The following AGAP1 variants were observed in gnomAD, a reference collection of about 807,000 sequenced individuals.
AGAP1 encodes arf-GAP with GTPase, ANK repeat and PH domain-containing protein 1.
AGAP1 carries 29 observed loss-of-function variants against 105.3 expected under a neutral mutation model. The ratio of observed to expected loss-of-function variants is 0.28; its 90% CI spans 0.21 to 0.38. The LOEUF is 0.38. Ranked by LOEUF, AGAP1 falls within the 10% of genes least tolerant of loss-of-function variation. The pLI is 1.00. For missense variants in AGAP1, 998 were observed against 1,165.1 expected (o/e 0.86, Z 2.09); for synonymous variants, 509 against 485.9 (o/e 1.05, Z -0.63).
chr2:235,806,880 G>C (rs1395079516), intron 8 of AGAP1, among the ~76,000 whole-genome samples: 1 of 152,190 alleles, frequency 6.6e-6, no homozygotes, highest in Non-Finnish European at 1.5e-5. Flanking sequence ...TAAACATTGA[G>C]CAGCCCCTTT....
chr2:236,019,878 C>G (rs2056832545), intron 13 of AGAP1, among the ~76,000 whole-genome samples: 1 of 152,246 alleles, frequency 6.6e-6, no homozygotes, highest in Admixed American at 6.5e-5. Flanking sequence ...CGCCAAATGC[C>G]CCGGCAGTCT....
intron 1 of AGAP1, among the ~76,000 whole-genome samples, chr2:235,588,801 T>C (rs1945219921): frequency 6.6e-6 from 1 of 152,194 alleles, no homozygotes. Context: ...GTCAGCTCTG[T>C]AGACACCATT....
intron 1 of AGAP1, among the ~76,000 whole-genome samples, chr2:235,506,604 A>G (rs1941823944): frequency 6.6e-6 from 1 of 152,142 alleles, no homozygotes; most frequent in African/African-American, 2.4e-5. Context: ...TTTACATAGA[A>G]ACTTGAATTT....
At position 235,970,587 on chromosome 2, in the gene AGAP1, G is replaced by A. The variant is rs951166599; in HGVS notation, c.1645+1964G>A. On this transcript the variant is annotated intron_variant, in intron 13 of 17. Coordinates refer to ENST00000304032, the MANE Select transcript of AGAP1 (RefSeq NM_001037131.3). This position sits in a 1 kb window ranked among gnomAD's most constrained non-coding sequence, Gnocchi z 5.4. ...GCACGCGTCTTCTTGCATTTGTTGT[G>A]TGTTTCCAACCGAGGTCTGTGGTTT... Among the ~76,000 whole-genome samples, 2 of 152,202 alleles carry A rather than the reference G, an allele frequency of 1.3e-5. No homozygotes were observed. Among genetic ancestry groups the A allele is most frequent in the Non-Finnish European group, 2.9e-5 (2 of 68,040 alleles).
intron 9 of AGAP1, among the ~76,000 whole-genome samples, chr2:235,839,552 C>G (rs1482125494): frequency 1.3e-5 from 2 of 152,206 alleles, no homozygotes; most frequent in Non-Finnish European, 2.9e-5. Flanking sequence ...CGCACTGCTG[C>G]ACTCCAGCCT....
chr2:235,830,993 T>A lies in AGAP1; in HGVS notation c.1050+23662T>A, dbSNP rs907313243. Among the ~76,000 whole-genome samples the A allele has an allele frequency of 2.6e-5, 4 of 152,012 alleles. No homozygotes were observed. The highest frequency in any genetic ancestry group is 9.7e-5 in the African/African-American group (4 of 41,390). On this transcript the variant is annotated intron_variant, in intron 9 of 17. Transcript: ENST00000304032. The surrounding 1 kb of genome is among the most constrained non-coding windows in gnomAD (Gnocchi z 5.5). ...GTGTGTCGCAGGTGTAGGCGATACC[T>A]GGGAAGCCGTTGTACGGGGCTGGCA...
chr2:235,521,609 A>G (rs942237524), intron 1 of AGAP1, among the ~76,000 whole-genome samples: 9 of 152,104 alleles, frequency 5.9e-5, no homozygotes, highest in African/African-American at 1.7e-4. Flanking sequence ...ACTTAGGAAC[A>G]TGTTCTGGAA....
intron 12 of AGAP1, among the ~76,000 whole-genome samples, chr2:235,966,663 C>T (rs1170374615): frequency 6.6e-6 from 1 of 152,156 alleles, no homozygotes; most frequent in Non-Finnish European, 1.5e-5. Context: ...ATGGTTGACA[C>T]AGTCTCAGGT....
chr2:235,568,445 A>G (rs1944416907), intron 1 of AGAP1, among the ~76,000 whole-genome samples: 1 of 152,172 alleles, frequency 6.6e-6, no homozygotes, highest in African/African-American at 2.4e-5. Flanking sequence ...TCCTTGATGA[A>G]GTGAAGCCAT....
rs949230311 is a variant in AGAP1, at chr2:236,015,583, A to G, written c.1646-20978A>G. 2.6e-5 allele frequency among the ~76,000 whole-genome samples: 4 copies of G among 152,100 alleles called. No homozygotes were observed. In the East Asian group the frequency reaches 7.7e-4, roughly 29 times the overall value. The stretch of plus-strand genomic sequence containing the variant: ...TTTTTTTTTATGATTACAAATGTCA[A>G]GGGTCGGAATTACTTTGATGCCAGG... On this transcript the variant is annotated intron_variant, in intron 13 of 17. Transcript: ENST00000304032.
At position 235,962,090 on chromosome 2, in the gene AGAP1, G is replaced by GTTT. The variant is rs1559699317; in HGVS notation, c.1484-6372_1484-6371insTTT. Among the ~76,000 whole-genome samples the GTTT allele has an allele frequency of 6.7e-6, 1 of 150,202 alleles. No individual in the cohort carries two copies. Among genetic ancestry groups the GTTT allele is most frequent in the Non-Finnish European group, 1.5e-5 (1 of 67,250 alleles). ...TTGTTTTGTTTTGTTTTGTTTCAGT[G>GTTT]AAGTGAAAAGTGAGGTCATCGTGAG... is the stretch of plus-strand genomic sequence containing the variant. On this transcript the variant is annotated intron_variant, in intron 12 of 17. Coordinates refer to ENST00000304032, the MANE Select transcript of AGAP1 (RefSeq NM_001037131.3). This position sits in a 1 kb window ranked among gnomAD's most constrained non-coding sequence, Gnocchi z 5.3.
intron 1 of AGAP1, among the ~76,000 whole-genome samples, chr2:235,685,543 A>G (rs1949333333): frequency 6.6e-6 from 1 of 151,714 alleles, no homozygotes; most frequent in Non-Finnish European, 1.5e-5. Context: ...AACAAATGCT[A>G]TGAAGACCAG....
chr2:235,986,717 C>A (rs994010493), intron 13 of AGAP1, among the ~76,000 whole-genome samples: 1 of 152,138 alleles, frequency 6.6e-6, no homozygotes, highest in African/African-American at 2.4e-5. Flanking sequence ...TTTTCTGCAT[C>A]TATTGATATA....
chr2:235,941,174 C>G (rs1252663785), intron 12 of AGAP1, among the ~76,000 whole-genome samples: 1 of 152,180 alleles, frequency 6.6e-6, no homozygotes, highest in African/African-American at 2.4e-5. Flanking sequence ...ACACTGGCAG[C>G]AGTCTCAGCA....
intron 1 of AGAP1, among the ~76,000 whole-genome samples, chr2:235,605,945 G>A (rs1176303856): frequency 6.6e-6 from 1 of 152,222 alleles, no homozygotes; most frequent in Non-Finnish European, 1.5e-5. Flanking sequence ...ACACAAAGAT[G>A]TGTTTGCCTG....
rs908286937 is a variant in AGAP1, at chr2:235,566,784, G to T, written c.163+71935G>T. Among the ~76,000 whole-genome samples, 3 of 152,222 alleles carry T rather than the reference G, an allele frequency of 2.0e-5. No homozygotes were observed. The highest frequency in any genetic ancestry group is 4.4e-5 in the Non-Finnish European group (3 of 68,040). On this transcript the variant is annotated intron_variant, in intron 1 of 17. Transcript: ENST00000304032. This position sits in a 1 kb window ranked among gnomAD's most constrained non-coding sequence, Gnocchi z 5.2. ...GAAGGGGGCCCCGTGTTAGTTTCCT[G>T]TGGCTGCCGTAACAGCCACAAACTA...
rs1411019322 is a variant in AGAP1, at chr2:235,763,073, C to CTGTGT, written c.673+12585_673+12586insTGTGT. On this transcript the variant is annotated intron_variant, in intron 6 of 17. Coordinates refer to ENST00000304032, the MANE Select transcript of AGAP1 (RefSeq NM_001037131.3). ...GTGTATGTGTGCGCGCGCGCGCACA[C>CTGTGT]GTGCACCTGCCGTGTTTGAAAAAAA... 9.3e-4 allele frequency among the ~76,000 whole-genome samples: 139 copies of CTGTGT among 148,862 alleles called. 1 individual carries two copies. The highest frequency in any genetic ancestry group is 3.2e-3 in the African/African-American group (124 of 39,126).
intron 1 of AGAP1, among the ~76,000 whole-genome samples, chr2:235,516,591 G>A (rs911654483): frequency 3.9e-5 from 6 of 152,224 alleles, no homozygotes; most frequent in Middle Eastern, 6.8e-3. Flanking sequence ...AGTTCATGCC[G>A]CCCGTATTCC....
At chr2:235,619,535 A>T (rs1412673755) in intron 1 of AGAP1, among the ~76,000 whole-genome samples, 7 of 127,394 alleles carry the variant, frequency 5.5e-5, no homozygotes, top group South Asian at 2.6e-4. Context: ...TGGGATTCAA[A>T]CCTGGGGCTG....
Sources: allele counts gnomAD v4.1 joint callset (sites outside exome capture counted in the v4.1 genomes callset), GRCh38; gene constraint gnomAD v4.1.1; non-coding constraint Gnocchi (gnomAD v3.1); transcripts MANE v1.5; gene names NCBI Gene and HGNC (gene_info 2026-07-23, HGNC 2026-07-21).